The following PXN variants were observed in gnomAD, a reference collection of about 807,000 sequenced individuals.
PXN encodes the protein testicular tissue protein Li 134.
Under a neutral mutation model 103.6 loss-of-function variants are expected in PXN, and 61 were observed. The ratio of observed to expected loss-of-function variants is 0.59; its 90% CI spans 0.48 to 0.73. PXN has a LOEUF of 0.73. Ranked by LOEUF, PXN falls within the 30% of genes least tolerant of loss-of-function variation. The pLI is 0.00. For synonymous variants in PXN, 562 were observed against 607.8 expected (o/e 0.92, Z 1.11); for missense variants, 1,274 against 1,460.3 (o/e 0.87, Z 2.08).
chr12:120,212,457 G>T lies in PXN; in HGVS notation c.3103C>A (p.Arg1035Ser). ...TTCTTGGCCATGGCGGTGATGCAGC[G>T]GCCGGTGATGGGCTTCTGGCAGCCA... ...CSGCQKPITG[R>S]CITAMAKKFH... Residue 1035 changes from arginine to serine, a missense_variant, in exon 15 of 15, where the codon CGC (arginine) becomes AGC (serine). Arg to Ser is a moderately radical substitution (Grantham distance 110, BLOSUM62 -1). Around this residue, in one of 2 missense-constraint regions of PXN, gnomAD observed 96 missense variants for 151.3 expected, o/e 0.63. Transcript: ENST00000637617. The surrounding 1 kb of genome is among the most constrained non-coding windows in gnomAD (Gnocchi z 7.2). 1.2e-6 allele frequency: 2 copies of T among 1,614,022 alleles called. No individual in the cohort carries two copies. Among genetic ancestry groups the T allele is most frequent in the Non-Finnish European group, 1.7e-6 (2 of 1,179,894 alleles).
chr12:120,222,820 G>T lies in PXN; in HGVS notation c.493+43C>A. ...CTGGGATCTAGAGGTCAGCAGATGGGCCCTGGGCCCTGGTAGACCCTGCCC... is the reference window on the plus strand; with the variant it reads ...CTGGGATCTAGAGGTCAGCAGATGGTCCCTGGGCCCTGGTAGACCCTGCCC... On this transcript the variant is annotated intron_variant, in intron 4 of 14. Transcript: ENST00000637617. The surrounding 1 kb of genome is among the most constrained non-coding windows in gnomAD (Gnocchi z 4.7). 1.9e-6 allele frequency: 3 copies of T among 1,608,090 alleles called. No homozygotes were observed. Among genetic ancestry groups the T allele is most frequent in the Middle Eastern group, 1.7e-4 (1 of 6,052 alleles).
In PXN at chr12:120,215,702, A is replaced by G. The variant is rs1259710884; in HGVS notation, c.2302-41T>C. ...AGATGAGGGTAAGAAATCTTTTTTA[A>G]AAATTAAGAAAGAATACAAGACCTT... On this transcript the variant is annotated intron_variant, in intron 9 of 14. Transcript: ENST00000637617. The surrounding 1 kb of genome is among the most constrained non-coding windows in gnomAD (Gnocchi z 4.9). 9 of 1,559,354 alleles carry G rather than the reference A, an allele frequency of 5.8e-6. No individual in the cohort carries two copies. The highest frequency in any genetic ancestry group is 7.8e-6 in the Non-Finnish European group (9 of 1,154,946).
intron 1 of PXN, among the ~76,000 whole-genome samples, chr12:120,238,220 CG>C (rs1889470441): frequency 6.6e-6 from 1 of 152,114 alleles, no homozygotes; most frequent in South Asian, 2.1e-4. Flanking sequence ...GTGGAGTTCA[CG>C]TGTAGGTATA....
At chr12:120,242,151 T>G (rs1056778174) in intron 1 of PXN, among the ~76,000 whole-genome samples, 1 of 151,934 alleles carries the variant, frequency 6.6e-6, no homozygotes, top group African/African-American at 2.4e-5. Context: ...CCAAGGACGT[T>G]TTTCTCTGGC....
rs561020728 is a variant in PXN, at chr12:120,220,688, G to T, written c.832-597C>A. ...AACTTACTTGCTTCTGACCATGGCT[G>T]CTCAGAACCACTGGCCTGGAGCTGG... On this transcript the variant is annotated intron_variant, in intron 6 of 14. Coordinates refer to ENST00000637617, the MANE Select transcript of PXN (RefSeq NM_001385981.1). This position sits in a 1 kb window ranked among gnomAD's most constrained non-coding sequence, Gnocchi z 6.1. 5.9e-5 allele frequency among the ~76,000 whole-genome samples: 9 copies of T among 152,270 alleles called. No homozygotes were observed. Among genetic ancestry groups the T allele is most frequent in the Non-Finnish European group, 1.2e-4 (8 of 68,026 alleles).
Position 120,222,828 on chromosome 12 carries a change from C to A in PXN, c.493+35G>T. 1.2e-6 allele frequency: 2 copies of A among 1,609,754 alleles called. No individual in the cohort carries two copies. The highest frequency in any genetic ancestry group is 1.1e-5 in the South Asian group (1 of 90,630). On this transcript the variant is annotated intron_variant, in intron 4 of 14. Coordinates refer to ENST00000637617, the MANE Select transcript of PXN (RefSeq NM_001385981.1). This position sits in a 1 kb window ranked among gnomAD's most constrained non-coding sequence, Gnocchi z 4.7. The stretch of plus-strand genomic sequence containing the variant: ...TAGAGGTCAGCAGATGGGCCCTGGG[C>A]CCTGGTAGACCCTGCCCCAGGGACC...
At chr12:120,257,011 G>C (rs1566436923) in intron 1 of PXN, among the ~76,000 whole-genome samples, 2 of 152,250 alleles carry the variant, frequency 1.3e-5, no homozygotes, top group East Asian at 3.9e-4. Flanking sequence ...ATGAGCCACC[G>C]CGCCTGGCCT....
Position 120,240,722 on chromosome 12 carries a change from A to G in PXN, c.14-16345T>C, listed in dbSNP as rs376408508. The stretch of plus-strand genomic sequence containing the variant: ...CAGTGCTCCCAATGACGCAAGTGCC[A>G]AGAAAGGAGTCCAGGGATGGCCCTT... On this transcript the variant is annotated intron_variant, in intron 1 of 14. Coordinates refer to ENST00000637617, the MANE Select transcript of PXN (RefSeq NM_001385981.1). Among the ~76,000 whole-genome samples the G allele has an allele frequency of 3.3e-5, 5 of 152,314 alleles. No individual in the cohort carries two copies. In the East Asian group the frequency reaches 7.7e-4, roughly 24 times the overall value.
rs762293550 is a variant in PXN, at chr12:120,216,447, G to C, written c.2127C>G (p.Ala709=). 100 of 1,378,048 alleles carry C rather than the reference G, an allele frequency of 7.3e-5. 1 individual carries two copies. The Middle Eastern group carries it at 1.1e-3, about 15-fold the overall frequency. The allele number at this position is 1,378,048 out of a possible 1,614,324, so 85.4% of individuals were successfully genotyped here. The change falls in exon 9 of 15, where the codon GCC becomes GCG. Residue 709 remains alanine (A), a synonymous_variant. Transcript: ENST00000637617. The surrounding 1 kb of genome is among the most constrained non-coding windows in gnomAD (Gnocchi z 5.1). ...SSSSPLPSLL[A]SSPLGPSAYT... ...AAGCTGAGGGCCCCAGGGGGGAGGAGGCGAGCAGGCTGGGCAGGGGAGAAG... is the reference window on the plus strand; with the variant it reads ...AAGCTGAGGGCCCCAGGGGGGAGGACGCGAGCAGGCTGGGCAGGGGAGAAG...
intron 1 of PXN, among the ~76,000 whole-genome samples, chr12:120,238,415 G>A (rs555695531): frequency 6.6e-6 from 1 of 152,202 alleles, no homozygotes; most frequent in Non-Finnish European, 1.5e-5. Context: ...AGGGTTCCAG[G>A]GCTCCAACCA....
chr12:120,217,455 T>C lies in PXN; in HGVS notation c.1717-339A>G, dbSNP rs763378186. Among the ~76,000 whole-genome samples, 2 of 152,236 alleles carry C rather than the reference T, an allele frequency of 1.3e-5. No individual in the cohort carries two copies. The highest frequency in any genetic ancestry group is 2.9e-5 in the Non-Finnish European group (2 of 68,038). On this transcript the variant is annotated intron_variant, in intron 7 of 14. Coordinates refer to ENST00000637617, the MANE Select transcript of PXN (RefSeq NM_001385981.1). This position sits in a 1 kb window ranked among gnomAD's most constrained non-coding sequence, Gnocchi z 4.1. ...TTAAAATGGAACCACAAGATTTTCTTGGCTTACCGCACAGGGTTTGCACAA... is the reference window on the plus strand; with the variant it reads ...TTAAAATGGAACCACAAGATTTTCTCGGCTTACCGCACAGGGTTTGCACAA...
chr12:120,219,339 T>G lies in PXN; in HGVS notation c.1584A>C (p.Gly528=). 6.3e-7 allele frequency: 1 copy of G among 1,598,358 alleles called. No homozygotes were observed. Among genetic ancestry groups the G allele is most frequent in the Non-Finnish European group, 8.5e-7 (1 of 1,179,796 alleles). Residue 528 remains glycine (G), a synonymous_variant, in exon 7 of 15, where the codon GGA becomes GGC. Coordinates refer to ENST00000637617, the MANE Select transcript of PXN (RefSeq NM_001385981.1). The surrounding 1 kb of genome is among the most constrained non-coding windows in gnomAD (Gnocchi z 6.5). ...ERGSVARPTQ[G]PETPRSPEGT... is the part of the protein sequence containing the mutation. ...CCTCTGGGCTCCTTGGGGTTTCAGG[T>G]CCCTGGGTTGGCCTGGCCACACTTC...
chr12:120,265,591 C>A lies in PXN; in HGVS notation c.13+26G>T. ...CCAAGCTGCGCGCCTCTCGCCTCCT[C>A]CTCCCTCGGCCTCCCGCTCACTCAC... On this transcript the variant is annotated intron_variant, in intron 1 of 14. Transcript: ENST00000637617. This position sits in a 1 kb window ranked among gnomAD's most constrained non-coding sequence, Gnocchi z 5.7. 1 of 1,484,634 alleles carries A rather than the reference C, an allele frequency of 6.7e-7. No homozygotes were observed. The highest frequency in any genetic ancestry group is 8.9e-7 in the Non-Finnish European group (1 of 1,123,050). The allele number at this position is 1,484,634 out of a possible 1,614,324, so 92.0% of individuals were successfully genotyped here.
intron 1 of PXN, among the ~76,000 whole-genome samples, chr12:120,250,693 A>G (rs978573958): frequency 6.6e-6 from 1 of 152,192 alleles, no homozygotes; most frequent in Non-Finnish European, 1.5e-5. Flanking sequence ...TAACACCACC[A>G]GCCCAAGGGT....
intron 1 of PXN, among the ~76,000 whole-genome samples, chr12:120,242,331 C>T (rs542006266): frequency 1.3e-5 from 2 of 152,134 alleles, no homozygotes; most frequent in African/African-American, 2.4e-5. Context: ...TCTGCCCGCA[C>T]CCATCTGCAC....
In PXN at chr12:120,215,433, C is replaced by T. The variant is rs1449681216; in HGVS notation, c.2403+127G>A. ...GCCAGGAGCCCTAAAGTGGGAGTGA[C>T]GTCAGCAGGACTCCTGGTGGTCGGA... On this transcript the variant is annotated intron_variant, in intron 10 of 14. Coordinates refer to ENST00000637617, the MANE Select transcript of PXN (RefSeq NM_001385981.1). This position sits in a 1 kb window ranked among gnomAD's most constrained non-coding sequence, Gnocchi z 4.9. 5 of 1,452,980 alleles carry T rather than the reference C, an allele frequency of 3.4e-6. No individual in the cohort carries two copies. Among genetic ancestry groups the T allele is most frequent in the African/African-American group, 2.8e-5 (2 of 70,330 alleles). The allele number at this position is 1,452,980 out of a possible 1,614,324, so 90.0% of individuals were successfully genotyped here.
intron 1 of PXN, chr12:120,264,084 G>A (rs1436599943): frequency 6.6e-6 from 1 of 152,006 alleles, no homozygotes; most frequent in African/African-American, 2.4e-5. Flanking sequence ...GGAAAAATGG[G>A]TGCCAAGCCT....
intron 1 of PXN, among the ~76,000 whole-genome samples, chr12:120,227,997 C>T (rs921900331): frequency 6.6e-5 from 10 of 152,212 alleles, no homozygotes; most frequent in African/African-American, 2.4e-4. Flanking sequence ...TGTCCGGCTC[C>T]AGCCTTTCCC....
At chr12:120,230,454 G>A (rs1351866354) in intron 1 of PXN, among the ~76,000 whole-genome samples, 3 of 152,172 alleles carry the variant, frequency 2.0e-5, no homozygotes, top group Non-Finnish European at 4.4e-5. Context: ...AGAAGCTGCG[G>A]CCTCCTTACA....
Sources: gnomAD v4.1 joint callset for allele counts (sites outside exome capture counted in the v4.1 genomes callset) on GRCh38, gnomAD v4.1.1 for gene constraint, gnomAD v4.1.1 regional missense constraint, Gnocchi (gnomAD v3.1) non-coding constraint, MANE v1.5 for transcripts, NCBI Gene and HGNC (gene_info 2026-07-23, HGNC 2026-07-21) for gene names.